PM20D1: variants seen among roughly 807,000 people sequenced by gnomAD.
PM20D1 encodes N-fatty-acyl-amino acid synthase/hydrolase PM20D1.
Under a neutral mutation model 53.8 loss-of-function variants are expected in PM20D1, and 53 were observed. The ratio of observed to expected loss-of-function variants is 0.98; its 90% CI spans 0.79 to 1.24. The LOEUF is 1.24. Among genes scored for constraint, PM20D1 ranks in the 50% most tolerant of loss-of-function variants. PM20D1 has a pLI of 0.00. For missense variants in PM20D1, 564 were observed against 616.8 expected, an observed-to-expected ratio of 0.91 and a Z score of 0.91; for synonymous variants, 239 against 241.3, an observed-to-expected ratio of 0.99 and a Z score of 0.09.
intron 1 of PM20D1, 99 bp downstream of exon 1, chr1:205,849,805 T>C: frequency 6.9e-7 from 1 of 1,444,728 alleles, no homozygotes. Context: ...CCAGCTGCAG[T>C]AGCAGATGCT....
chr1:205,848,051 T>C, intron 1 of PM20D1, 80 bp from the exon 2 acceptor site: 7 of 1,342,486 alleles, frequency 5.2e-6, no homozygotes, highest in Non-Finnish European at 7.4e-6. Context: ...GCACAAAAAG[T>C]TCTTTTGCCT....
intron 11 of PM20D1, 128 bp downstream of exon 11, chr1:205,832,469 CT>C (rs1656580353): frequency 1.0e-6 from 1 of 961,990 alleles, no homozygotes; most frequent in Admixed American, 2.5e-5. Flanking sequence ...CAGTTCTAGT[CT>C]CATCAGGAGG....
rs756627511 is a variant in PM20D1 at position 205,844,902 on chromosome 1, G to A, written c.490-5C>T. On this transcript the variant is annotated splice_polypyrimidine_tract_variant and splice_region_variant and intron_variant, in intron 3 of 12. Transcript: ENST00000367136. The stretch of plus-strand genomic sequence containing the variant: ...CTCCAAGGCCTGCAGTAATGCCTGG[G>A]GTTCAGAAGCACAATGGAAGAGGAA... 1.9e-5 allele frequency: 31 copies of A among 1,612,386 alleles called. No homozygotes were observed. The highest frequency in any genetic ancestry group is 2.5e-5 in the Non-Finnish European group (30 of 1,179,108).
chr1:205,837,422 A>C (rs1558091597), intron 10 of PM20D1, among the ~76,000 whole-genome samples: 2 of 152,126 alleles, frequency 1.3e-5, no homozygotes, highest in African/African-American at 4.8e-5. Flanking sequence ...TCCTTTCCAC[A>C]TGGCAGCCTC....
chr1:205,840,130 A>T (rs188408202), intron 10 of PM20D1, 122 bp downstream of exon 10: 2 of 769,126 alleles, frequency 2.6e-6, no homozygotes, highest in African/African-American at 3.5e-5. Context: ...GTTGTCTTTG[A>T]AAAATGTTGG....
chr1:205,840,788 G>C (rs1656788874), intron 9 of PM20D1, among the ~76,000 whole-genome samples: 1 of 152,170 alleles, frequency 6.6e-6, no homozygotes, highest in Admixed American at 6.5e-5. Context: ...TTTGATCCTT[G>C]AGGGGGATGA....
rs1376725639 is a variant in PM20D1 at position 205,850,101 on chromosome 1, A to G, written c.-29T>C. 1.2e-6 allele frequency: 2 copies of G among 1,604,830 alleles called. No homozygotes were observed. The highest frequency in any genetic ancestry group is 2.7e-5 in the African/African-American group (2 of 74,772). On this transcript the variant is annotated 5_prime_UTR_variant, in exon 1 of 13. Coordinates refer to ENST00000367136, the MANE Select transcript of PM20D1 (RefSeq NM_152491.5). Reference sequence around the variant, plus strand: ...TCTCTCGAGCTCCTGCTGTCAGGCTACCGGGGTAGTTCTGACCTAAACGCC... The same window carrying G: ...TCTCTCGAGCTCCTGCTGTCAGGCTGCCGGGGTAGTTCTGACCTAAACGCC...
chr1:205,844,352 C>T (rs1656893067), intron 4 of PM20D1, 135 bp from the exon 5 acceptor site: 1 of 1,082,028 alleles, frequency 9.2e-7, no homozygotes, highest in East Asian at 2.6e-5. Flanking sequence ...GGAGCCAGGG[C>T]CCTAGAGAAT....
chr1:205,842,201 G>C lies in PM20D1; in HGVS notation c.918C>G (p.Val306=). 2 of 1,613,036 alleles carry C rather than the reference G, an allele frequency of 1.2e-6. No individual in the cohort carries two copies. Among genetic ancestry groups the C allele is most frequent in the Non-Finnish European group, 1.7e-6 (2 of 1,179,028 alleles). The change falls in exon 8 of 13, where the codon GTC becomes GTG. Residue 306 remains valine, a synonymous_variant. Transcript: ENST00000367136. ...GCCATGGGTTGCTCAGGATTATATT[G>C]ACAGGGAAGGGAAACTGGGAAAGAA... ...QQLANEFPFP[V]NIILSNPWLF... is the part of the protein sequence containing the mutation.
At position 205,843,737 on chromosome 1, in the gene PM20D1, T is replaced by G; in HGVS notation, c.757A>C (p.Met253Leu). ...GSMNLMLQVNMTSGHSSAPPK... is the reference protein window; with the variant it reads ...GSMNLMLQVNLTSGHSSAPPK... ...GGAGCTGAAGAGTGGCCTGAAGTCA[T>G]GTTTACTTGCAGCATGAGGTTCATG... The change falls in exon 6 of 13, where the codon ATG becomes CTG. Residue 253 changes from methionine (M) to leucine (L), a missense_variant. Transcript: ENST00000367136. 6.2e-7 allele frequency: 1 copy of G among 1,614,132 alleles called. No homozygotes were observed. The highest frequency in any genetic ancestry group is 8.5e-7 in the Non-Finnish European group (1 of 1,180,020).
intron 2 of PM20D1, among the ~76,000 whole-genome samples, chr1:205,845,801 G>A (rs535708081): frequency 6.6e-6 from 1 of 152,332 alleles, no homozygotes; most frequent in East Asian, 1.9e-4. Flanking sequence ...CCACCATTAA[G>A]GCCAGGCTTG....
chr1:205,837,908 G>T (rs563113644), intron 10 of PM20D1, among the ~76,000 whole-genome samples: 1 of 152,198 alleles, frequency 6.6e-6, no homozygotes, highest in African/African-American at 2.4e-5. Context: ...TGATTTCCTG[G>T]CCCCATGAGA....
chr1:205,848,056 T>C, intron 1 of PM20D1, 85 bp from the exon 2 acceptor site: 1 of 1,297,420 alleles, frequency 7.7e-7, no homozygotes, highest in Non-Finnish European at 1.1e-6. Flanking sequence ...AAAAGTTCTT[T>C]TGCCTTCATT....
In PM20D1 at chr1:205,836,171, G is replaced by T. The variant is rs944151026; in HGVS notation, c.1117-3405C>A. Among the ~76,000 whole-genome samples, 25 of 152,300 alleles carry T rather than the reference G, an allele frequency of 1.6e-4. 1 individual carries two copies. The highest frequency in any genetic ancestry group is 1.5e-3 in the Admixed American group (23 of 15,310). ...TTACAGGCGTGAGCCACTGCACTGG[G>T]CCCAGATCTCCTGTAGTTCTTTCAG... On this transcript the variant is annotated intron_variant, in intron 10 of 12. Coordinates refer to ENST00000367136, the MANE Select transcript of PM20D1 (RefSeq NM_152491.5).
In PM20D1 at chr1:205,845,421, G is replaced by A. The variant is rs777086698; in HGVS notation, c.393C>T (p.Ala131=). ...GGGGCACCTCCCAGCCTTCTTCAGGGGCAGGCACCACATCAAAGTGAGCCA... is the reference window on the plus strand; with the variant it reads ...GGGGCACCTCCCAGCCTTCTTCAGGAGCAGGCACCACATCAAAGTGAGCCA... The part of the protein sequence containing the change: ...LLMAHFDVVP[A]PEEGWEVPPF... Residue 131 remains alanine (A), a synonymous_variant, in exon 3 of 13, where the codon GCC becomes GCT. Coordinates refer to ENST00000367136, the MANE Select transcript of PM20D1 (RefSeq NM_152491.5). The A allele has an allele frequency of 1.2e-6, 2 of 1,614,150 alleles. No individual in the cohort carries two copies. The highest frequency in any genetic ancestry group is 1.7e-5 in the Admixed American group (1 of 60,020).
chr1:205,832,012 A>G (rs1172300053), intron 11 of PM20D1, among the ~76,000 whole-genome samples: 4 of 152,134 alleles, frequency 2.6e-5, no homozygotes, highest in African/African-American at 9.7e-5. Context: ...AAATCTTTGT[A>G]GTGGGTCCAG....
intron 10 of PM20D1, among the ~76,000 whole-genome samples, chr1:205,835,448 C>A (rs748948163): frequency 1.3e-5 from 2 of 151,952 alleles, no homozygotes; most frequent in African/African-American, 4.8e-5. Flanking sequence ...GTCAGGAGAT[C>A]GAGACCATCC....
rs778428014 is a variant in PM20D1, at chr1:205,845,353, C to T, written c.461G>A (p.Gly154Asp). ...CACAGAGTTCTTGTCGTCCAGTGTG[C>T]CCCGACCATAGATGATGCCATCACG... Reference protein sequence around the residue: ...LERDGIIYGRGTLDDKNSVMA... With the variant: ...LERDGIIYGRDTLDDKNSVMA... Residue 154 changes from glycine to aspartate, a missense_variant, in exon 3 of 13, where the codon GGC (glycine) becomes GAC (aspartate). Physicochemically the swap from Gly to Asp is moderately conservative, Grantham distance 94 (BLOSUM62 -1). Coordinates refer to ENST00000367136, the MANE Select transcript of PM20D1 (RefSeq NM_152491.5). 3 of 1,613,966 alleles carry T rather than the reference C, an allele frequency of 1.9e-6. No homozygotes were observed. Among genetic ancestry groups the T allele is most frequent in the Non-Finnish European group, 2.5e-6 (3 of 1,179,960 alleles).
intron 1 of PM20D1, 138 bp from the exon 2 acceptor site, chr1:205,848,109 A>T: frequency 1.3e-6 from 1 of 790,988 alleles, no homozygotes; most frequent in South Asian, 1.6e-5. Flanking sequence ...GGTAGGCGCT[A>T]TTGTTTCCTC....
Sources: gnomAD v4.1 joint callset for allele counts (sites outside exome capture counted in the v4.1 genomes callset) on GRCh38, gnomAD v4.1.1 for gene constraint, MANE v1.5 for transcripts, NCBI Gene and HGNC (gene_info 2026-07-23, HGNC 2026-07-21) for gene names.